Variants in LARGE1 observed in about 807,000 individuals in gnomAD.
LARGE1 encodes xylosyl- and glucuronyltransferase LARGE1.
A neutral mutation model predicts 87.6 loss-of-function variants in LARGE1; 43 were observed. The ratio of observed to expected loss-of-function variants is 0.49; its 90% CI spans 0.38 to 0.63. The LOEUF is 0.63. Among genes scored for constraint, LARGE1 ranks in the 30% least tolerant of loss-of-function variants. The pLI, the probability that LARGE1 is intolerant of heterozygous loss-of-function variation, is 0.00. For missense variants in LARGE1, 802 were observed against 1,000.2 expected, an observed-to-expected ratio of 0.80 and a Z score of 2.67; for synonymous variants, 434 against 394.6, an observed-to-expected ratio of 1.10 and a Z score of -1.18.
chr22:33,479,487 T>A lies in LARGE1; in HGVS notation c.788-47222A>T, dbSNP rs531757221. On this transcript the variant is annotated intron_variant, in intron 6 of 14. Transcript: ENST00000397394. ...TCCATAGAAACAGGGACTTTGTCAGTTATTTCTACAGTCAACAGGACTAGA... is the reference window on the plus strand; with the variant it reads ...TCCATAGAAACAGGGACTTTGTCAGATATTTCTACAGTCAACAGGACTAGA... Among the ~76,000 whole-genome samples the A allele has an allele frequency of 1.3e-4, 20 of 152,314 alleles. No individual in the cohort carries two copies. In the South Asian group the frequency reaches 3.7e-3, roughly 28 times the overall value.
intron 1 of LARGE1, among the ~76,000 whole-genome samples, chr22:33,915,725 T>A (rs2065767570): frequency 6.6e-6 from 1 of 152,214 alleles, no homozygotes; most frequent in South Asian, 2.1e-4. Flanking sequence ...ACTATTTGAA[T>A]ACACAGAGCA....
intron 2 of LARGE1, among the ~76,000 whole-genome samples, chr22:33,658,613 T>C (rs1216493313): frequency 6.6e-6 from 1 of 152,238 alleles, no homozygotes; most frequent in South Asian, 2.1e-4. Context: ...GCAAAGGACA[T>C]TGTCTCATTC....
In LARGE1 at chr22:33,620,880, A is replaced by G. The variant is rs143563613; in HGVS notation, c.491+5364T>C. On this transcript the variant is annotated intron_variant, in intron 4 of 14. Transcript: ENST00000397394. ...TTCAGTGAGCTGAGATTGCATCAAG[A>G]TCAGGCCACTGCACTCCAGCCTGGA... Among the ~76,000 whole-genome samples, 713 of 152,256 alleles carry G rather than the reference A, an allele frequency of 4.7e-3. 3 individuals carry two copies. The highest frequency in any genetic ancestry group is 6.9e-3 in the Non-Finnish European group (468 of 68,028).
At chr22:33,450,876 G>A (rs2067887835) in intron 6 of LARGE1, among the ~76,000 whole-genome samples, 1 of 152,116 alleles carries the variant, frequency 6.6e-6, no homozygotes, top group Non-Finnish European at 1.5e-5. Flanking sequence ...AGAATGGGGT[G>A]TCTGGACGGA....
At chr22:33,440,590 C>G (rs2413185) in intron 6 of LARGE1, among the ~76,000 whole-genome samples, 1 of 152,166 alleles carries the variant, frequency 6.6e-6, no homozygotes, top group South Asian at 2.1e-4. Context: ...CATTTAATAG[C>G]ACCATTCAAT....
chr22:33,886,101 T>C (rs966133332), intron 1 of LARGE1, among the ~76,000 whole-genome samples: 1 of 152,138 alleles, frequency 6.6e-6, no homozygotes. Flanking sequence ...AACTCCCTCC[T>C]GTGAGCATCT....
intron 11 of LARGE1, among the ~76,000 whole-genome samples, chr22:33,212,338 T>A (rs1248528160): frequency 6.6e-6 from 1 of 152,228 alleles, no homozygotes; most frequent in Non-Finnish European, 1.5e-5. Context: ...CCATATCTAT[T>A]CTGTCTGTGC....
At chr22:33,323,671 T>C in intron 10 of LARGE1, among the ~76,000 whole-genome samples, 1 of 152,174 alleles carries the variant, frequency 6.6e-6, no homozygotes, top group South Asian at 2.1e-4. Context: ...GGGAACACAT[T>C]ATAATGTTAA....
intron 3 of LARGE1, among the ~76,000 whole-genome samples, chr22:33,628,823 C>T (rs566558410): frequency 5.8e-4 from 88 of 152,006 alleles, no homozygotes; most frequent in Non-Finnish European, 1.1e-3. Flanking sequence ...TGCCTGGAGA[C>T]AGTCTTGGTT....
At chr22:33,675,440 G>A (rs1603095655) in intron 2 of LARGE1, among the ~76,000 whole-genome samples, 1 of 152,118 alleles carries the variant, frequency 6.6e-6, no homozygotes, top group East Asian at 1.9e-4. Flanking sequence ...TGGGAAGTAG[G>A]GCATAGACTG....
At position 33,462,694 on chromosome 22, in the gene LARGE1, T is replaced by C. The variant is rs140885367; in HGVS notation, c.788-30429A>G. Among the ~76,000 whole-genome samples the C allele has an allele frequency of 4.0e-3, 605 of 152,288 alleles. 3 individuals carry two copies. Among genetic ancestry groups the C allele is most frequent in the African/African-American group, 0.014 (571 of 41,552 alleles). On this transcript the variant is annotated intron_variant, in intron 6 of 14. Coordinates refer to ENST00000397394, the MANE Select transcript of LARGE1 (RefSeq NM_133642.5). ...TACTCAGGAGGCTGAGGCAGGATAA[T>C]TGCTTGAGCCCAGGAGGCAGAGGCT...
intron 13 of LARGE1, among the ~76,000 whole-genome samples, chr22:33,282,071 G>A (rs1014565012): frequency 7.9e-5 from 12 of 152,318 alleles, no homozygotes; most frequent in Middle Eastern, 3.4e-3. Flanking sequence ...AGGGCCAGGC[G>A]CAGTGGCTTA....
chr22:33,534,432 G>A (rs929850439), intron 6 of LARGE1, among the ~76,000 whole-genome samples: 1 of 151,884 alleles, frequency 6.6e-6, no homozygotes, highest in African/African-American at 2.4e-5. Context: ...AAAAAAAGAG[G>A]GATGAAGTCA....
the LARGE1 span, among the ~76,000 whole-genome samples, chr22:33,111,659 C>T: frequency 2.6e-5 from 4 of 152,290 alleles, no homozygotes; most frequent in African/African-American, 7.2e-5. Context: ...ATCACAGTGT[C>T]GAGTCAGAGA....
At chr22:33,824,772 A>G (rs2062733445) in intron 1 of LARGE1, among the ~76,000 whole-genome samples, 1 of 152,254 alleles carries the variant, frequency 6.6e-6, no homozygotes, top group Admixed American at 6.5e-5. Context: ...GACTATAATG[A>G]AAATGAAATG....
the LARGE1 span, among the ~76,000 whole-genome samples, chr22:33,083,814 C>T: frequency 6.6e-6 from 1 of 152,176 alleles, no homozygotes; most frequent in East Asian, 1.9e-4. Flanking sequence ...GATCAGTACT[C>T]CCACTTCCAC....
chr22:33,395,226 CAAAA>C (rs3071528), intron 7 of LARGE1, among the ~76,000 whole-genome samples: 1 of 61,638 alleles, frequency 1.6e-5, no homozygotes, highest in Non-Finnish European at 3.1e-5. Context: ...GACTCTGCCT[CAAAA>C]AAAAAAAAAA....
chr22:33,477,321 A>G (rs2069122928), intron 6 of LARGE1, among the ~76,000 whole-genome samples: 1 of 152,138 alleles, frequency 6.6e-6, no homozygotes, highest in South Asian at 2.1e-4. Flanking sequence ...GGAATGGGGA[A>G]TTTTTCAATC....
At chr22:33,911,575 G>A (rs1171177643) in intron 1 of LARGE1, among the ~76,000 whole-genome samples, 2 of 152,106 alleles carry the variant, frequency 1.3e-5, no homozygotes, top group Non-Finnish European at 2.9e-5. Context: ...CATCCATGCT[G>A]GACAACAACC....
Sources: gnomAD v4.1 joint callset for allele counts (sites outside exome capture counted in the v4.1 genomes callset) on GRCh38, gnomAD v4.1.1 for gene constraint, MANE v1.5 for transcripts, NCBI Gene and HGNC (gene_info 2026-07-23, HGNC 2026-07-21) for gene names.